PEX14: variants seen among roughly 807,000 people sequenced by gnomAD.
PEX14 encodes peroxisomal biogenesis factor 14.
In PEX14, 15 loss-of-function variants were observed where a neutral mutation model predicts 49.5. That is an observed-to-expected ratio of 0.30 (90% CI 0.20 to 0.47). The LOEUF is 0.47. Among genes scored for constraint, PEX14 ranks in the 20% least tolerant of loss-of-function variants. PEX14 has a pLI of 1.00. For synonymous variants in PEX14, 210 were observed against 212.7 expected (o/e 0.99, Z 0.11); for missense variants, 398 against 494.8 (o/e 0.80, Z 1.86).
chr1:10,527,973 G>C (rs1252222884), intron 2 of PEX14, among the ~76,000 whole-genome samples: 1 of 152,176 alleles, frequency 6.6e-6, no homozygotes, highest in African/African-American at 2.4e-5. Context: ...GCTTGGCCTA[G>C]AAGTGCCTTT....
intron 2 of PEX14, among the ~76,000 whole-genome samples, chr1:10,525,722 T>C (rs1443309182): frequency 6.6e-6 from 1 of 151,972 alleles, no homozygotes; most frequent in Non-Finnish European, 1.5e-5. Flanking sequence ...GCCTCCTGGG[T>C]TCAAGCGATT....
chr1:10,624,222 T>A, intron 6 of PEX14, 118 bp from the exon 7 acceptor site: 1 of 777,998 alleles, frequency 1.3e-6, no homozygotes, highest in Non-Finnish European at 2.4e-6. Context: ...GGGCTGGGGG[T>A]GTCTGCAGAT....
chr1:10,538,690 G>A (rs1218756151), intron 3 of PEX14, among the ~76,000 whole-genome samples: 2 of 152,360 alleles, frequency 1.3e-5, no homozygotes, highest in East Asian at 3.9e-4. Flanking sequence ...GCCTGGCACC[G>A]TCTCCGATGG....
At chr1:10,563,829 G>A (rs1012874723) in intron 3 of PEX14, among the ~76,000 whole-genome samples, 8 of 150,468 alleles carry the variant, frequency 5.3e-5, no homozygotes, top group Non-Finnish European at 1.2e-4. Flanking sequence ...GGAGAATGGC[G>A]TGAACCCAGG....
chr1:10,484,367 T>A (rs188225353), intron 1 of PEX14, among the ~76,000 whole-genome samples: 275 of 151,776 alleles, frequency 1.8e-3, no homozygotes, highest in Non-Finnish European at 3.0e-3. Flanking sequence ...GAGATGGGGT[T>A]TCACTGTGTT....
At chr1:10,583,596 T>G (rs1177916183) in intron 3 of PEX14, among the ~76,000 whole-genome samples, 1 of 151,710 alleles carries the variant, frequency 6.6e-6, no homozygotes, top group African/African-American at 2.4e-5. Flanking sequence ...AACATAGCAG[T>G]GAATAAAATA....
At chr1:10,611,427 G>T (rs1447152365) in intron 4 of PEX14, among the ~76,000 whole-genome samples, 2 of 152,222 alleles carry the variant, frequency 1.3e-5, no homozygotes, top group Non-Finnish European at 2.9e-5. Flanking sequence ...CTTGCTCCCA[G>T]TTTGGGGCTA....
intron 2 of PEX14, among the ~76,000 whole-genome samples, chr1:10,500,373 CAAAAAAAAAAAAAAA>C (rs750781683): frequency 6.9e-5 from 3 of 43,682 alleles, no homozygotes; most frequent in East Asian, 8.4e-4. Flanking sequence ...GATTCTGTCT[CAAAAAAAAAAAAAAA>C]AAAAAAAAAA....
intron 3 of PEX14, among the ~76,000 whole-genome samples, chr1:10,578,064 CAG>C (rs371621168): frequency 1.8e-3 from 276 of 152,048 alleles, no homozygotes; most frequent in African/African-American, 3.8e-3. Context: ...TTTGAGGAAT[CAG>C]GGGATATTTT....
chr1:10,487,221 CATTT>C (rs1307493065), intron 1 of PEX14, among the ~76,000 whole-genome samples: 2 of 151,452 alleles, frequency 1.3e-5, no homozygotes, highest in Non-Finnish European at 2.9e-5. Flanking sequence ...AGGATTTTAA[CATTT>C]ATGTTTGTGA....
At chr1:10,532,528 A>T (rs1003829425) in intron 2 of PEX14, among the ~76,000 whole-genome samples, 3 of 152,146 alleles carry the variant, frequency 2.0e-5, no homozygotes, top group Non-Finnish European at 2.9e-5. Context: ...AGGAACGCTG[A>T]TTCCATATTT....
At chr1:10,566,387 G>A (rs1474958530) in intron 3 of PEX14, among the ~76,000 whole-genome samples, 1 of 152,074 alleles carries the variant, frequency 6.6e-6, no homozygotes, top group Non-Finnish European at 1.5e-5. Flanking sequence ...TCTGGGATTT[G>A]TGTTACAAAT....
At chr1:10,564,466 T>C (rs895729961) in intron 3 of PEX14, among the ~76,000 whole-genome samples, 5 of 151,824 alleles carry the variant, frequency 3.3e-5, no homozygotes, top group African/African-American at 1.2e-4. Context: ...TTTCACTGTC[T>C]CACTCTCTTG....
chr1:10,563,449 A>T (rs1282196821), intron 3 of PEX14, among the ~76,000 whole-genome samples: 1 of 151,200 alleles, frequency 6.6e-6, no homozygotes, highest in Non-Finnish European at 1.5e-5. Flanking sequence ...AAAATACAAA[A>T]TTTTTGCATT....
intron 2 of PEX14, among the ~76,000 whole-genome samples, chr1:10,520,829 C>T (rs1393052184): frequency 6.6e-6 from 1 of 152,112 alleles, no homozygotes; most frequent in Non-Finnish European, 1.5e-5. Context: ...TGTAAATGTA[C>T]AGGGCAGCGT....
At chr1:10,511,888 C>T (rs1326389941) in intron 2 of PEX14, among the ~76,000 whole-genome samples, 1 of 152,146 alleles carries the variant, frequency 6.6e-6, no homozygotes, top group Non-Finnish European at 1.5e-5. Flanking sequence ...ATTGTGTTAA[C>T]CTGTTTCTCT....
chr1:10,540,794 G>C (rs559259133), intron 3 of PEX14, among the ~76,000 whole-genome samples: 1 of 152,142 alleles, frequency 6.6e-6, no homozygotes, highest in South Asian at 2.1e-4. Context: ...CCTTGCTTGC[G>C]TGTGGCCCAT....
chr1:10,482,025 A>G (rs1168865436), intron 1 of PEX14, among the ~76,000 whole-genome samples: 1 of 148,938 alleles, frequency 6.7e-6, no homozygotes, highest in African/African-American at 2.5e-5. Flanking sequence ...GGGTTTTGCC[A>G]TGTTGCCCAG....
Position 10,487,168 on chromosome 1 carries a change from G to T in PEX14, c.37-8106G>T, listed in dbSNP as rs1317876098. Among the ~76,000 whole-genome samples the T allele has an allele frequency of 7.9e-5, 12 of 151,986 alleles. 1 individual carries two copies. The highest frequency in any genetic ancestry group is 1.6e-4 in the Non-Finnish European group (11 of 67,992). On this transcript the variant is annotated intron_variant, in intron 1 of 8. Coordinates refer to ENST00000356607, the MANE Select transcript of PEX14 (RefSeq NM_004565.3). ...TCATTGGATAAATTCTACTCGATGT[G>T]TTATGCTTTTTATATATAGCTGGAC...
Sources: allele counts gnomAD v4.1 joint callset (sites outside exome capture counted in the v4.1 genomes callset), GRCh38; gene constraint gnomAD v4.1.1; transcripts MANE v1.5; gene names NCBI Gene and HGNC (gene_info 2026-07-23, HGNC 2026-07-21).